SYTL2: variants seen among roughly 807,000 people sequenced by gnomAD.
SYTL2 encodes the protein synaptotagmin-like protein 2.
In SYTL2, 165 loss-of-function variants were observed where a neutral mutation model predicts 198.7. The observed-to-expected ratio is 0.83, with a 90% confidence interval of 0.73 to 0.94. The LOEUF is 0.94. Ranked by LOEUF, SYTL2 falls within the 40% of genes least tolerant of loss-of-function variation. The probability of loss-of-function intolerance (pLI) is 0.00; values close to 1 mark genes in which losing one functional copy is unlikely to be tolerated. For synonymous variants in SYTL2, 966 were observed against 917.7 expected, an observed-to-expected ratio of 1.05 and a Z score of -0.95; for missense variants, 2,835 against 2,582.8, an observed-to-expected ratio of 1.10 and a Z score of -2.12.
At chr11:85,711,260 T>C (rs1445613260) in intron 12 of SYTL2, 28 bp from the exon 13 acceptor site, 1 of 1,603,976 alleles carries the variant, frequency 6.2e-7, no homozygotes, top group South Asian at 1.1e-5. Flanking sequence ...ATATGCACAA[T>C]ATTTAAATTC....
rs138411966 is a variant in SYTL2 at position 85,734,268 on chromosome 11, A to G, written c.1061T>C (p.Val354Ala). The change falls in exon 7 of 20, where the codon GTA becomes GCA. Residue 354 changes from valine to alanine, a missense_variant. By Grantham distance (64) the Val-to-Ala change is moderately conservative (BLOSUM62 0). Around this residue, in one of 3 missense-constraint regions of SYTL2, gnomAD observed 2,645 missense variants for 2,381.7 expected, o/e 1.11. Coordinates refer to ENST00000359152, the MANE Select transcript of SYTL2 (RefSeq NM_206927.4). The part of the protein sequence containing the change: ...QSPGLIHGRE[V>A]GEFSVLESDR... ...AGATTCTAAAACACTAAATTCTCCT[A>G]CTTCCCGACCATGGATTAGCCCAGG... 2,879 of 1,614,132 alleles carry G rather than the reference A, an allele frequency of 1.8e-3. 8 individuals carry two copies. Among genetic ancestry groups the G allele is most frequent in the Non-Finnish European group, 2.2e-3 (2,566 of 1,179,992 alleles).
chr11:85,832,432 C>T, the SYTL2 span, among the ~76,000 whole-genome samples: 1 of 152,134 alleles, frequency 6.6e-6, no homozygotes, highest in Admixed American at 6.6e-5. Flanking sequence ...ATGCACCAGG[C>T]CCTACGTTAG....
At chr11:85,841,370 A>C in the SYTL2 span, among the ~76,000 whole-genome samples, 2 of 152,202 alleles carry the variant, frequency 1.3e-5, no homozygotes, top group Non-Finnish European at 2.9e-5. Flanking sequence ...ACATGCACGC[A>C]TATGTTCGTT....
rs2088201479 is a variant in SYTL2 at position 85,720,902 on chromosome 11, T to C, written c.5384A>G (p.Lys1795Arg). 1 of 1,613,782 alleles carries C rather than the reference T, an allele frequency of 6.2e-7. No homozygotes were observed. Among genetic ancestry groups the C allele is most frequent in the South Asian group, 1.1e-5 (1 of 91,080 alleles). ...GTCTTCTAGACTTTTGGAAGGCATT[T>C]TCCTAGCGGCACTCCTTTCCAAAGT... ...LKTLERSAAR[K>R]MPSKSLEDIS... Residue 1795 changes from lysine to arginine, a missense_variant, in exon 9 of 20, where the codon AAA becomes AGA. Lys to Arg is a conservative substitution (Grantham distance 26). Around this residue, in one of 3 missense-constraint regions of SYTL2, gnomAD observed 2,645 missense variants for 2,381.7 expected, o/e 1.11. Transcript: ENST00000359152.
chr11:85,724,516 T>C lies in SYTL2; in HGVS notation c.4842A>G (p.Ala1614=), dbSNP rs768327489. The C allele has an allele frequency of 2.7e-5, 43 of 1,613,878 alleles. No individual in the cohort carries two copies. Among genetic ancestry groups the C allele is most frequent in the African/African-American group, 5.3e-5 (4 of 74,940 alleles). The stretch of plus-strand genomic sequence containing the variant: ...CCTTCATTTCAGAGGTCTGTGAGGC[T>C]GCCCTGTAAAAATGGGGCACTGTCC... ...FLGTVPHFYR[A]ASQTSEMKDK... The change falls in exon 8 of 20, where the codon GCA becomes GCG. Residue 1614 remains alanine, a synonymous_variant. Transcript: ENST00000359152.
chr11:85,739,170 A>T (rs897545093), intron 4 of SYTL2, among the ~76,000 whole-genome samples: 9 of 152,012 alleles, frequency 5.9e-5, no homozygotes, highest in Admixed American at 5.9e-4. Flanking sequence ...TGCCTGGTAC[A>T]TAACTGGTGA....
chr11:85,695,779 C>G (rs931920932), intron 19 of SYTL2, among the ~76,000 whole-genome samples: 1 of 152,178 alleles, frequency 6.6e-6, no homozygotes, highest in East Asian at 1.9e-4. Context: ...TTAGTAACTA[C>G]CTCATAGACT....
the SYTL2 span, among the ~76,000 whole-genome samples, chr11:85,817,897 C>CT: frequency 8.2e-3 from 985 of 119,710 alleles, 15 homozygotes; most frequent in South Asian, 0.013. Flanking sequence ...ACCTTTGTGT[C>CT]TTTTCTTTTT....
the SYTL2 span, among the ~76,000 whole-genome samples, chr11:85,820,325 T>C: frequency 2.6e-5 from 4 of 152,248 alleles, no homozygotes; most frequent in African/African-American, 9.6e-5. Flanking sequence ...TTTTATTTCA[T>C]TTAGAAACAT....
chr11:85,787,701 CTTT>C (rs56177666), intron 1 of SYTL2, among the ~76,000 whole-genome samples: 10 of 90,392 alleles, frequency 1.1e-4, no homozygotes, highest in African/African-American at 2.1e-4. Context: ...TTTTCTTTTC[CTTT>C]TTTTTTTTTT....
At chr11:85,714,876 A>C in intron 11 of SYTL2, 2 of 203,872 alleles carry the variant, frequency 9.8e-6, no homozygotes, top group South Asian at 1.9e-4. Context: ...CATCTCCTTG[A>C]GATATATCAC....
chr11:85,734,625 A>G lies in SYTL2; in HGVS notation c.704T>C (p.Ile235Thr), dbSNP rs747870613. The G allele has an allele frequency of 1.2e-6, 2 of 1,613,968 alleles. No homozygotes were observed. The highest frequency in any genetic ancestry group is 1.1e-5 in the South Asian group (1 of 91,066). ...GTAGATCATCTTCCTGGCTTTGGGG[A>G]TTGGAGCCTTGATTTGGGACCCATT... ...LSNGSQIKAP[I>T]PKARKMIYKS... Residue 235 changes from isoleucine to threonine, a missense_variant, in exon 7 of 20, where the codon ATC becomes ACC. Around this residue, in one of 3 missense-constraint regions of SYTL2, gnomAD observed 2,645 missense variants for 2,381.7 expected, o/e 1.11. Coordinates refer to ENST00000359152, the MANE Select transcript of SYTL2 (RefSeq NM_206927.4).
At chr11:85,762,950 G>GGA (rs548100527) in intron 1 of SYTL2, among the ~76,000 whole-genome samples, 2 of 146,714 alleles carry the variant, frequency 1.4e-5, no homozygotes, top group African/African-American at 2.5e-5. Context: ...AAGTGTTCAT[G>GGA]AAAAAAAAAA....
intron 2 of SYTL2, among the ~76,000 whole-genome samples, chr11:85,755,223 G>A (rs772436284): frequency 6.6e-6 from 1 of 152,086 alleles, no homozygotes; most frequent in Non-Finnish European, 1.5e-5. Flanking sequence ...AGCAAAGAGG[G>A]GGTCAGGCTA....
intron 13 of SYTL2, among the ~76,000 whole-genome samples, chr11:85,710,549 A>G (rs1209895528): frequency 6.6e-6 from 1 of 152,238 alleles, no homozygotes; most frequent in Non-Finnish European, 1.5e-5. Flanking sequence ...CTACATGCAC[A>G]TACAACTTCA....
At chr11:85,849,368 G>A in the SYTL2 span, among the ~76,000 whole-genome samples, 179 of 152,316 alleles carry the variant, frequency 1.2e-3, no homozygotes, top group African/African-American at 4.2e-3. Flanking sequence ...CCTTGCCCAT[G>A]CCTGTGTCCT....
chr11:85,796,031 G>A (rs570571371), intron 1 of SYTL2, among the ~76,000 whole-genome samples: 2 of 152,292 alleles, frequency 1.3e-5, no homozygotes, highest in African/African-American at 4.8e-5. Flanking sequence ...ATTCACTGAG[G>A]CTCAGGTTAG....
chr11:85,708,240 C>T (rs898371797), intron 14 of SYTL2: 4 of 316,740 alleles, frequency 1.3e-5, no homozygotes, highest in East Asian at 2.5e-4. Context: ...TCTGAGAAAA[C>T]GCTTTGGTGC....
chr11:85,706,665 T>C (rs1412258221), intron 15 of SYTL2, among the ~76,000 whole-genome samples: 1 of 152,140 alleles, frequency 6.6e-6, no homozygotes, highest in African/African-American at 2.4e-5. Context: ...GAGAGGAAAG[T>C]TGAGGCTGGA....
Sources: gnomAD v4.1 joint callset for allele counts (sites outside exome capture counted in the v4.1 genomes callset) on GRCh38, gnomAD v4.1.1 for gene constraint, gnomAD v4.1.1 regional missense constraint, MANE v1.5 for transcripts, NCBI Gene and HGNC (gene_info 2026-07-23, HGNC 2026-07-21) for gene names.